The following NCOA1 variants were observed in gnomAD, a reference collection of about 807,000 sequenced individuals.
NCOA1 encodes Hin-2 protein.
NCOA1 carries 35 observed loss-of-function variants against 150.9 expected under a neutral mutation model. That is an observed-to-expected ratio of 0.23 (90% CI 0.18 to 0.31). The LOEUF is 0.31. Among genes scored for constraint, NCOA1 ranks in the 10% least tolerant of loss-of-function variants. The probability of loss-of-function intolerance (pLI) is 1.00; values close to 1 mark genes in which losing one functional copy is unlikely to be tolerated. For missense variants in NCOA1, 1,491 were observed against 1,749.3 expected (o/e 0.85, Z 2.63); for synonymous variants, 590 against 630.0 (o/e 0.94, Z 0.95).
At chr2:24,663,793 C>T (rs1054081102) in intron 5 of NCOA1, among the ~76,000 whole-genome samples, 8 of 152,126 alleles carry the variant, frequency 5.3e-5, no homozygotes, top group Non-Finnish European at 8.8e-5. Flanking sequence ...GACACCTTGC[C>T]AGTTCATTAC....
intron 3 of NCOA1, among the ~76,000 whole-genome samples, chr2:24,630,770 G>A (rs1181842678): frequency 2.0e-5 from 3 of 152,028 alleles, no homozygotes; most frequent in Admixed American, 6.6e-5. Context: ...AAAGCATTTT[G>A]TAATCATAAA....
In NCOA1 at chr2:24,726,643, C is replaced by T. The variant is rs979571165; in HGVS notation, c.2654C>T (p.Thr885Ile). 1 of 1,611,088 alleles carries T rather than the reference C, an allele frequency of 6.2e-7. No homozygotes were observed. Among genetic ancestry groups the T allele is most frequent in the Non-Finnish European group, 8.5e-7 (1 of 1,178,698 alleles). Residue 885 changes from threonine (T) to isoleucine (I), a missense_variant, in exon 15 of 23, where the codon ACA (threonine) becomes ATA (isoleucine). Physicochemically the swap from Thr to Ile is moderately conservative, Grantham distance 89 (BLOSUM62 -1). Transcript: ENST00000348332. Reference protein sequence around the residue: ...AIDNQFGQPGTGDQIPWTNNT... With the variant: ...AIDNQFGQPGIGDQIPWTNNT... ...GATAACCAATTTGGACAACCAGGAACAGGCGATCAGATTCCATGGACAAAT... is the reference window on the plus strand; with the variant it reads ...GATAACCAATTTGGACAACCAGGAATAGGCGATCAGATTCCATGGACAAAT...
chr2:24,541,414 C>T (rs1390204344), intron 1 of NCOA1, among the ~76,000 whole-genome samples: 1 of 152,082 alleles, frequency 6.6e-6, no homozygotes, highest in African/African-American at 2.4e-5. Context: ...TAAGAGATGA[C>T]CAAAACAGGA....
At chr2:24,504,953 C>G (rs1018164384) in intron 1 of NCOA1, among the ~76,000 whole-genome samples, 1 of 151,964 alleles carries the variant, frequency 6.6e-6, no homozygotes, top group African/African-American at 2.4e-5. Context: ...TAATTAAAAC[C>G]TGTTTTCTCC....
intron 20 of NCOA1, 23 bp from the exon 21 acceptor site, chr2:24,757,950 C>G: frequency 6.2e-7 from 1 of 1,610,514 alleles, no homozygotes; most frequent in Non-Finnish European, 8.5e-7. Flanking sequence ...TGGATGTAAT[C>G]TGGATTGTTT....
intron 1 of NCOA1, among the ~76,000 whole-genome samples, chr2:24,508,539 T>C (rs1463503975): frequency 6.6e-6 from 1 of 152,092 alleles, no homozygotes; most frequent in Non-Finnish European, 1.5e-5. Flanking sequence ...GATACTGTCT[T>C]TTTTGGGGGG....
intron 3 of NCOA1, among the ~76,000 whole-genome samples, chr2:24,611,162 G>A (rs999182655): frequency 6.6e-6 from 1 of 152,098 alleles, no homozygotes; most frequent in Admixed American, 6.5e-5. Flanking sequence ...ATGTCCATGA[G>A]TGCCCAGTGT....
intron 3 of NCOA1, among the ~76,000 whole-genome samples, chr2:24,589,799 A>T (rs1667576917): frequency 6.6e-6 from 1 of 152,198 alleles, no homozygotes; most frequent in South Asian, 2.1e-4. Flanking sequence ...TCCATCAGAC[A>T]TTCTTTTCTT....
intron 20 of NCOA1, among the ~76,000 whole-genome samples, chr2:24,757,440 C>T (rs1664557510): frequency 6.6e-6 from 1 of 152,100 alleles, no homozygotes; most frequent in Admixed American, 6.5e-5. Flanking sequence ...TGCTATATGT[C>T]ACATATTAAT....
At chr2:24,767,851 T>C in intron 22 of NCOA1, 1 of 481,346 alleles carries the variant, frequency 2.1e-6, no homozygotes, top group Non-Finnish European at 3.7e-6. Flanking sequence ...CATAGAATGG[T>C]TTTAAACCAG....
intron 1 of NCOA1, among the ~76,000 whole-genome samples, chr2:24,536,196 AAT>A (rs1323572950): frequency 6.6e-6 from 1 of 151,992 alleles, no homozygotes. Flanking sequence ...TTATTTCATT[AAT>A]TTGATCTTCA....
chr2:24,621,820 C>T (rs1320783628), intron 3 of NCOA1, among the ~76,000 whole-genome samples: 1 of 152,072 alleles, frequency 6.6e-6, no homozygotes, highest in Non-Finnish European at 1.5e-5. Context: ...AATTTGAATC[C>T]CTGTAGGTCT....
At chr2:24,672,570 A>AT (rs140215664) in intron 6 of NCOA1, among the ~76,000 whole-genome samples, 6,218 of 152,006 alleles carry the variant, frequency 0.041, 161 homozygotes, top group East Asian at 0.13. Context: ...AATTTTTAAA[A>AT]TTTTTTGTAA....
intron 5 of NCOA1, among the ~76,000 whole-genome samples, chr2:24,663,841 C>T (rs56302334): frequency 1.3e-3 from 199 of 152,264 alleles, no homozygotes; most frequent in African/African-American, 4.5e-3. Flanking sequence ...TCTCTGTCTG[C>T]GTGTCCTGCC....
chr2:24,730,091 A>G (rs955642329), intron 17 of NCOA1, among the ~76,000 whole-genome samples: 1 of 152,010 alleles, frequency 6.6e-6, no homozygotes, highest in Non-Finnish European at 1.5e-5. Context: ...TGATTTGCCC[A>G]CCTCGGCCTC....
At chr2:24,605,383 C>T (rs1439770156) in intron 3 of NCOA1, among the ~76,000 whole-genome samples, 1 of 152,138 alleles carries the variant, frequency 6.6e-6, no homozygotes, top group Non-Finnish European at 1.5e-5. Flanking sequence ...CTACTATCTA[C>T]CTCTTAAGTT....
intron 3 of NCOA1, among the ~76,000 whole-genome samples, chr2:24,630,973 A>C (rs1348766939): frequency 6.6e-6 from 1 of 152,178 alleles, no homozygotes; most frequent in Non-Finnish European, 1.5e-5. Context: ...TTTGATTTCA[A>C]ATTTTTTAAA....
intron 1 of NCOA1, among the ~76,000 whole-genome samples, chr2:24,546,691 T>C (rs1665617492): frequency 1.3e-5 from 2 of 152,220 alleles, no homozygotes; most frequent in Admixed American, 1.3e-4. Flanking sequence ...TTTTTACAAT[T>C]CTGGGGATCA....
intron 1 of NCOA1, among the ~76,000 whole-genome samples, chr2:24,531,549 T>C (rs967048320): frequency 6.6e-6 from 1 of 152,198 alleles, no homozygotes; most frequent in African/African-American, 2.4e-5. Context: ...GTTGGTTTGC[T>C]GCACCTATCA....
Sources: gnomAD v4.1 joint callset for allele counts (sites outside exome capture counted in the v4.1 genomes callset) on GRCh38, gnomAD v4.1.1 for gene constraint, MANE v1.5 for transcripts, NCBI Gene and HGNC (gene_info 2026-07-23, HGNC 2026-07-21) for gene names.